MLYCD: variants seen among roughly 807,000 people sequenced by gnomAD.
The protein encoded by MLYCD is malonyl-CoA decarboxylase, mitochondrial.
MLYCD carries 27 observed loss-of-function variants against 35.8 expected under a neutral mutation model. The ratio of observed to expected loss-of-function variants is 0.75; its 90% confidence interval spans 0.56 to 1.04. MLYCD has a LOEUF of 1.04. MLYCD is among the 50% of genes least tolerant of loss of function. MLYCD has a pLI of 0.00. For missense variants in MLYCD, 917 were observed against 665.1 expected (o/e 1.38, Z -4.17); for synonymous variants, 403 against 302.4 (o/e 1.33, Z -3.45).
chr16:83,906,335 G>A (rs538901193), intron 1 of MLYCD, among the ~76,000 whole-genome samples: 3 of 152,312 alleles, frequency 2.0e-5, no homozygotes, highest in African/African-American at 4.8e-5. Flanking sequence ...AGGCTGCAGC[G>A]AGCCGTGTTC....
chr16:83,908,338 TTTTTGTTTTG>T, intron 3 of MLYCD, 56 bp downstream of exon 3: 1 of 1,583,366 alleles, frequency 6.3e-7, no homozygotes, highest in Non-Finnish European at 8.5e-7. Context: ...CCCCTTGTGT[TTTTTGTTTTG>T]TTTTGTTTTT....
chr16:83,912,795 T>G (rs536515583), intron 4 of MLYCD: 29 of 302,150 alleles, frequency 9.6e-5, no homozygotes, highest in South Asian at 9.0e-4. Context: ...TCAGGGCCTC[T>G]GACACCTGAT....
Position 83,899,215 on chromosome 16 carries a change from G to A in MLYCD, c.71G>A (p.Gly24Glu). The A allele has an allele frequency of 8.2e-7, 1 of 1,213,560 alleles. No homozygotes were observed. Among genetic ancestry groups the A allele is most frequent in the East Asian group, 3.8e-5 (1 of 26,220 alleles). 75.2% of individuals were successfully genotyped at this position (1,213,560 alleles called of 1,614,324 possible). ...CTGCGGTTGCCCCCGCGGCCGCCCG[G>A]GCCCCGGCTGGCGAGCGGGCAGGCG... ...LPLRLPPRPPGPRLASGQAAG... is the reference protein window; with the variant it reads ...LPLRLPPRPPEPRLASGQAAG... The change falls in exon 1 of 5, where the codon GGG becomes GAG. Residue 24 changes from glycine to glutamate, a missense_variant. By Grantham distance (98) the Gly-to-Glu change is moderately conservative. Coordinates refer to ENST00000262430, the MANE Select transcript of MLYCD (RefSeq NM_012213.3).
In MLYCD at chr16:83,914,607, C is replaced by T. The variant is rs937635100; in HGVS notation, c.949-349C>T. On this transcript the variant is annotated intron_variant, in intron 4 of 4. Coordinates refer to ENST00000262430, the MANE Select transcript of MLYCD (RefSeq NM_012213.3). ...CAGGATGCCTCCAGGGTCTGGCACA[C>T]ATCAGGTTCCTGATAAATATTTCCT... is the stretch of plus-strand genomic sequence containing the variant. 1.9e-5 allele frequency: 7 copies of T among 368,312 alleles called. No homozygotes were observed. In the East Asian group the frequency reaches 3.5e-4, roughly 18 times the overall value. 22.8% of individuals were successfully genotyped at this position (368,312 alleles called of 1,614,324 possible).
chr16:83,900,859 C>G (rs951539265), intron 1 of MLYCD, among the ~76,000 whole-genome samples: 1 of 152,138 alleles, frequency 6.6e-6, no homozygotes, highest in Non-Finnish European at 1.5e-5. Flanking sequence ...GGAGAACATG[C>G]TGAGGTTGTG....
chr16:83,906,838 A>G (rs552505132), intron 1 of MLYCD, 149 bp from the exon 2 acceptor site: 2 of 763,070 alleles, frequency 2.6e-6, no homozygotes, highest in East Asian at 2.5e-5. Context: ...TGACAGAGGA[A>G]TCTTGGGAAA....
intron 4 of MLYCD, 59 bp from the exon 5 acceptor site, chr16:83,914,897 C>T (rs140956713): frequency 3.7e-6 from 6 of 1,611,396 alleles, no homozygotes; most frequent in Admixed American, 1.7e-5. Context: ...CTGTTGGTAA[C>T]GTACCTGCTG....
chr16:83,919,983 C>A lies in MLYCD; in HGVS notation c.*4494C>A. On this transcript the variant is annotated 3_prime_UTR_variant, in exon 5 of 5. Coordinates refer to ENST00000262430, the MANE Select transcript of MLYCD (RefSeq NM_012213.3). The stretch of plus-strand genomic sequence containing the variant: ...TTCACAGGACACAACAGAACACACG[C>A]AGTGCACAGGACACAACAGAACACA... The A allele has an allele frequency of 6.6e-6, 1 of 150,618 alleles. No homozygotes were observed. Among genetic ancestry groups the A allele is most frequent in the East Asian group, 2.0e-4 (1 of 4,988 alleles). 9.3% of individuals were successfully genotyped at this position (150,618 alleles called of 1,614,324 possible).
intron 4 of MLYCD, chr16:83,912,663 C>G (rs1907222473): frequency 2.4e-6 from 1 of 425,362 alleles, no homozygotes; most frequent in African/African-American, 2.0e-5. Flanking sequence ...CTGACCTGGT[C>G]AGGACACTCT....
At position 83,915,380 on chromosome 16, in the gene MLYCD, T is replaced by C. The variant is rs768566945; in HGVS notation, c.1373T>C (p.Leu458Pro). The C allele has an allele frequency of 1.5e-5, 24 of 1,613,786 alleles. No homozygotes were observed. Among genetic ancestry groups the C allele is most frequent in the Non-Finnish European group, 1.9e-5 (23 of 1,180,058 alleles). ...CGLMANYRYFLEETGPNSTSY... is the reference protein window; with the variant it reads ...CGLMANYRYFPEETGPNSTSY... ...CTGATGGCCAACTACCGCTACTTCC[T>C]GGAGGAGACGGGCCCCAACAGCACC... is the stretch of plus-strand genomic sequence containing the variant. The change falls in exon 5 of 5, where the codon CTG becomes CCG. Residue 458 changes from leucine (L) to proline (P), a missense_variant. By Grantham distance (98) the Leu-to-Pro change is moderately conservative. Transcript: ENST00000262430.
Position 83,923,247 on chromosome 16 carries a change from C to T in MLYCD, c.*7758C>T, listed in dbSNP as rs887749135. ...TGCTCTGTGCAGGCATGTGCTTATTCTGAGCTCTGTTTGAAATTAAACATG... is the reference window on the plus strand; with the variant it reads ...TGCTCTGTGCAGGCATGTGCTTATTTTGAGCTCTGTTTGAAATTAAACATG... On this transcript the variant is annotated 3_prime_UTR_variant, in exon 5 of 5. Transcript: ENST00000262430. The T allele has an allele frequency of 2.0e-5, 3 of 152,246 alleles. No individual in the cohort carries two copies. Among genetic ancestry groups the T allele is most frequent in the African/African-American group, 7.2e-5 (3 of 41,464 alleles). 9.4% of individuals were successfully genotyped at this position (152,246 alleles called of 1,614,324 possible).
chr16:83,899,473 T>A lies in MLYCD; in HGVS notation c.329T>A (p.Leu110His). 6.4e-7 allele frequency: 1 copy of A among 1,553,020 alleles called. No individual in the cohort carries two copies. Residue 110 changes from leucine (L) to histidine (H), a missense_variant, in exon 1 of 5, where the codon CTC becomes CAC. Leu to His is a moderately conservative substitution (Grantham distance 99). Transcript: ENST00000262430. ...GQVAEQSAGV[L>H]HLRQQQREAA... ...GTGGCGGAGCAGAGCGCCGGCGTGC[T>A]CCATCTGCGCCAGCAGCAGCGGGAG...
At position 83,912,376 on chromosome 16, in the gene MLYCD, C is replaced by T. The variant is rs2151058807; in HGVS notation, c.948+9C>T. On this transcript the variant is annotated intron_variant, in intron 4 of 4. Transcript: ENST00000262430. Reference sequence around the variant, plus strand: ...TCGTCAAGGAGTTGCAGGTAAGCGACACGCAGGGAGCCCCGGTCACGCTTG... The same window carrying T: ...TCGTCAAGGAGTTGCAGGTAAGCGATACGCAGGGAGCCCCGGTCACGCTTG... 8.1e-6 allele frequency: 13 copies of T among 1,614,082 alleles called. No individual in the cohort carries two copies. The highest frequency in any genetic ancestry group is 1.7e-5 in the Admixed American group (1 of 60,018).
At chr16:83,902,731 C>G (rs984291850) in intron 1 of MLYCD, among the ~76,000 whole-genome samples, 23 of 152,168 alleles carry the variant, frequency 1.5e-4, no homozygotes, top group African/African-American at 4.6e-4. Context: ...GTCTGGAACT[C>G]CTGACCTCAG....
intron 1 of MLYCD, among the ~76,000 whole-genome samples, 162 bp downstream of exon 1, chr16:83,899,834 T>A (rs1257058626): frequency 6.6e-6 from 1 of 152,204 alleles, no homozygotes; most frequent in Non-Finnish European, 1.5e-5. Flanking sequence ...CTTCCCACGC[T>A]GTCTGAGTCC....
chr16:83,899,960 G>A (rs1778875409), intron 1 of MLYCD, among the ~76,000 whole-genome samples: 2 of 152,196 alleles, frequency 1.3e-5, no homozygotes, highest in Admixed American at 6.5e-5. Context: ...GTCACCTCTC[G>A]TACCTGATTA....
At chr16:83,903,897 C>T (rs1043388399) in intron 1 of MLYCD, among the ~76,000 whole-genome samples, 2 of 152,170 alleles carry the variant, frequency 1.3e-5, no homozygotes, top group Non-Finnish European at 1.5e-5. Context: ...AATTAACGCA[C>T]GTACAGTTGC....
In MLYCD at chr16:83,920,051, C is replaced by A. The variant is rs944562545; in HGVS notation, c.*4562C>A. ...AGTACACACACAGCGCACTGGAGAA[C>A]ACGCACAGTGCACAGGAGAACAGAG... On this transcript the variant is annotated 3_prime_UTR_variant, in exon 5 of 5. Coordinates refer to ENST00000262430, the MANE Select transcript of MLYCD (RefSeq NM_012213.3). The A allele has an allele frequency of 3.3e-5, 5 of 150,626 alleles. No individual in the cohort carries two copies. Among genetic ancestry groups the A allele is most frequent in the Non-Finnish European group, 7.4e-5 (5 of 67,770 alleles). 9.3% of individuals were successfully genotyped at this position (150,626 alleles called of 1,614,324 possible).
rs1907568154 is a variant in MLYCD at position 83,919,434 on chromosome 16, A to G, written c.*3945A>G. ...GAACAAATGCACAGCACACAGGAGAACATGCACACACAGTGCACAGGAGAA... is the reference window on the plus strand; with the variant it reads ...GAACAAATGCACAGCACACAGGAGAGCATGCACACACAGTGCACAGGAGAA... On this transcript the variant is annotated 3_prime_UTR_variant, in exon 5 of 5. Transcript: ENST00000262430. 1 of 148,592 alleles carries G rather than the reference A, an allele frequency of 6.7e-6. No homozygotes were observed. Among genetic ancestry groups the G allele is most frequent in the Non-Finnish European group, 1.5e-5 (1 of 67,656 alleles). The allele number at this position is 148,592 out of a possible 1,614,324, so 9.2% of individuals were successfully genotyped here.
Sources: allele counts gnomAD v4.1 joint callset (sites outside exome capture counted in the v4.1 genomes callset), GRCh38; gene constraint gnomAD v4.1.1; transcripts MANE v1.5; gene names NCBI Gene and HGNC (gene_info 2026-07-23, HGNC 2026-07-21).